GTF2F1: variants seen among roughly 807,000 people sequenced by gnomAD.
The protein encoded by GTF2F1 is general transcription factor IIF subunit 1, also known as general transcription factor IIF 74 kDa subunit.
A neutral mutation model predicts 63.5 loss-of-function variants in GTF2F1; 39 were observed. The ratio of observed to expected loss-of-function variants is 0.61; its 90% CI spans 0.48 to 0.80. GTF2F1 has a LOEUF of 0.80. GTF2F1 is among the 30% of genes least tolerant of loss of function. The pLI, the probability that GTF2F1 is intolerant of heterozygous loss-of-function variation, is 0.00. For missense variants in GTF2F1, 657 were observed against 718.3 expected (o/e 0.91, Z 0.97); for synonymous variants, 287 against 285.3 (o/e 1.01, Z -0.06).
intron 3 of GTF2F1, among the ~76,000 whole-genome samples, chr19:6,390,854 T>C (rs2091994277): frequency 6.6e-6 from 1 of 152,050 alleles, no homozygotes; most frequent in South Asian, 2.1e-4. Flanking sequence ...CACTCCAGCC[T>C]GGATGACAAG....
In GTF2F1 at chr19:6,381,285, G is replaced by A. The variant is rs2304199; in HGVS notation, c.1018+74C>T. On this transcript the variant is annotated intron_variant, in intron 9 of 12. Transcript: ENST00000394456. This position sits in a 1 kb window ranked among gnomAD's most constrained non-coding sequence, Gnocchi z 4.1. ...CCACTGCAGATGAGGGAGGCCTGCAGGGGAGAGGGGAGGAGGTGGCAGGGC... is the reference window on the plus strand; with the variant it reads ...CCACTGCAGATGAGGGAGGCCTGCAAGGGAGAGGGGAGGAGGTGGCAGGGC... 1.5e-3 allele frequency: 2,384 copies of A among 1,547,906 alleles called. 61 individuals carry two copies. In the East Asian group the frequency reaches 0.046, roughly 30 times the overall value.
In GTF2F1 at chr19:6,393,089, G is replaced by C. The variant is rs1568333105; in HGVS notation, c.-94C>G. ...CTCGATCCCGGGGAAGCCGCCGCTC[G>C]GTGTCGGGTCTCTGTGCCTGAGCGA... is the stretch of plus-strand genomic sequence containing the variant. On this transcript the variant is annotated 5_prime_UTR_variant, in exon 1 of 13. Coordinates refer to ENST00000394456, the MANE Select transcript of GTF2F1 (RefSeq NM_002096.3). The C allele has an allele frequency of 2.6e-6, 4 of 1,535,392 alleles. No individual in the cohort carries two copies. The highest frequency in any genetic ancestry group is 2.3e-4 in the Middle Eastern group (1 of 4,330).
intron 5 of GTF2F1, among the ~76,000 whole-genome samples, chr19:6,385,270 G>A (rs1246957086): frequency 1.3e-5 from 2 of 151,562 alleles, no homozygotes; most frequent in Non-Finnish European, 1.5e-5. Flanking sequence ...AGGTGCACGT[G>A]TGTAGTCCCA....
intron 2 of GTF2F1, 67 bp from the exon 3 acceptor site, chr19:6,392,041 A>C: frequency 3.7e-6 from 3 of 810,024 alleles, no homozygotes. Flanking sequence ...TAATCAGTCA[A>C]TGCTATTGAA....
rs868571103 is a variant in GTF2F1, at chr19:6,388,176, C to T, written c.327-617G>A. On this transcript the variant is annotated intron_variant, in intron 4 of 12. Coordinates refer to ENST00000394456, the MANE Select transcript of GTF2F1 (RefSeq NM_002096.3). Reference sequence around the variant, plus strand: ...AACCCCTGACCCCACGTAATCCGCCCGCCTCTGCCTCCCAAAGGGCTAGGA... The same window carrying T: ...AACCCCTGACCCCACGTAATCCGCCTGCCTCTGCCTCCCAAAGGGCTAGGA... 2.6e-4 allele frequency among the ~76,000 whole-genome samples: 40 copies of T among 152,242 alleles called. No homozygotes were observed. In the Middle Eastern group the frequency reaches 0.01, roughly 39 times the overall value.
At position 6,381,160 on chromosome 19, in the gene GTF2F1, C is replaced by G; in HGVS notation, c.1054G>C (p.Asp352His). Residue 352 changes from aspartate (D) to histidine (H), a missense_variant, in exon 10 of 13, where the codon GAC (aspartate) becomes CAC (histidine). Asp to His is a moderately conservative substitution (Grantham distance 81). Transcript: ENST00000394456. This position sits in a 1 kb window ranked among gnomAD's most constrained non-coding sequence, Gnocchi z 4.1. ...GCTGAGGAGGCCTCGCTGTCAATGTCGCTCTCCTCTGAGCTGTCCGACTCC... is the reference window on the plus strand; with the variant it reads ...GCTGAGGAGGCCTCGCTGTCAATGTGGCTCTCCTCTGAGCTGTCCGACTCC... ...SEESDSSEES[D>H]IDSEASSALF... The G allele has an allele frequency of 1.2e-6, 2 of 1,611,774 alleles. No homozygotes were observed. Among genetic ancestry groups the G allele is most frequent in the Non-Finnish European group, 1.7e-6 (2 of 1,179,282 alleles).
At position 6,380,514 on chromosome 19, in the gene GTF2F1, A is replaced by G; in HGVS notation, c.1350-29T>C. ...AGGATGGGAGGACGGGGAAGGTGGC[A>G]TCAGTGAGATTGTCCCCAGTAGCCC... On this transcript the variant is annotated intron_variant, in intron 12 of 12. Transcript: ENST00000394456. The surrounding 1 kb of genome is among the most constrained non-coding windows in gnomAD (Gnocchi z 5.3). 1 of 1,612,752 alleles carries G rather than the reference A, an allele frequency of 6.2e-7. No individual in the cohort carries two copies. Among genetic ancestry groups the G allele is most frequent in the Non-Finnish European group, 8.5e-7 (1 of 1,178,778 alleles).
At position 6,389,647 on chromosome 19, in the gene GTF2F1, C is replaced by G; in HGVS notation, c.133-10G>C. On this transcript the variant is annotated splice_polypyrimidine_tract_variant and intron_variant, in intron 3 of 12. Transcript: ENST00000394456. ...CCCGCTCCAGCCGAGCCTAGGGGAGCAGGAAGCAAAGCCTCTCAGGGTCCC... is the reference window on the plus strand; with the variant it reads ...CCCGCTCCAGCCGAGCCTAGGGGAGGAGGAAGCAAAGCCTCTCAGGGTCCC... 1 of 1,611,478 alleles carries G rather than the reference C, an allele frequency of 6.2e-7. No homozygotes were observed. Among genetic ancestry groups the G allele is most frequent in the South Asian group, 1.1e-5 (1 of 91,054 alleles).
chr19:6,392,737 A>T lies in GTF2F1; in HGVS notation c.59+120T>A. On this transcript the variant is annotated intron_variant, in intron 2 of 12. Coordinates refer to ENST00000394456, the MANE Select transcript of GTF2F1 (RefSeq NM_002096.3). ...AGCTTAATCCCAGCCCTGCCCTCCA[A>T]GTCTCTCCCGGTCTGGAGGGAGAAC... The T allele has an allele frequency of 3.0e-6, 3 of 983,696 alleles. No individual in the cohort carries two copies. In the South Asian group the frequency reaches 4.0e-5, roughly 13 times the overall value. The allele number at this position is 983,696 out of a possible 1,614,324, so 60.9% of individuals were successfully genotyped here. A position where few individuals can be genotyped will look rare whatever the true frequency, so the allele number is the denominator to read the frequency against.
rs564941644 is a variant in GTF2F1, at chr19:6,392,077, T to C, written c.60-103A>G. 71 of 692,136 alleles carry C rather than the reference T, an allele frequency of 1.0e-4. 1 individual carries two copies. The highest frequency in any genetic ancestry group is 1.9e-4 in the African/African-American group (11 of 56,884). 42.9% of individuals were successfully genotyped at this position (692,136 alleles called of 1,614,324 possible). On this transcript the variant is annotated intron_variant, in intron 2 of 12. Coordinates refer to ENST00000394456, the MANE Select transcript of GTF2F1 (RefSeq NM_002096.3). The stretch of plus-strand genomic sequence containing the variant: ...CCATTAATTCAATCAACCACCCAAC[T>C]GGATCGTTAATTCAATCAAATCATT...
intron 4 of GTF2F1, among the ~76,000 whole-genome samples, chr19:6,387,927 C>G (rs1339221059): frequency 6.7e-6 from 1 of 150,024 alleles, no homozygotes; most frequent in African/African-American, 2.4e-5. Flanking sequence ...GGCGGGAAGG[C>G]ATGGCCAAAT....
intron 4 of GTF2F1, 68 bp downstream of exon 4, chr19:6,389,376 T>C (rs1599215468): frequency 1.4e-6 from 2 of 1,430,404 alleles, no homozygotes; most frequent in Non-Finnish European, 1.9e-6. Flanking sequence ...CCCCACAAAG[T>C]ATGTAAGTTG....
intron 5 of GTF2F1, among the ~76,000 whole-genome samples, chr19:6,386,487 C>T (rs1177119994): frequency 6.6e-6 from 1 of 152,178 alleles, no homozygotes; most frequent in African/African-American, 2.4e-5. Context: ...GCTCTGTCGC[C>T]CAGGCTGGAG....
At chr19:6,391,408 C>G (rs556644387) in intron 3 of GTF2F1, among the ~76,000 whole-genome samples, 30 of 151,114 alleles carry the variant, frequency 2.0e-4, no homozygotes, top group African/African-American at 6.6e-4. Context: ...CAGGGACACC[C>G]AGGAGCTAGG....
rs140982243 is a variant in GTF2F1, at chr19:6,383,152, T to C, written c.682+159A>G. On this transcript the variant is annotated intron_variant, in intron 6 of 12. Transcript: ENST00000394456. This position sits in a 1 kb window ranked among gnomAD's most constrained non-coding sequence, Gnocchi z 4.5. ...CCTGATCTCAGGTGATCTGCCTGCC[T>C]CAGCCTCTCAAAGTGCTGGGATGAC... Among the ~76,000 whole-genome samples, 5,052 of 152,338 alleles carry C rather than the reference T, an allele frequency of 0.033. 116 individuals carry two copies. The highest frequency in any genetic ancestry group is 0.053 in the Non-Finnish European group (3,586 of 68,012).
At position 6,393,097 on chromosome 19, in the gene GTF2F1, G is replaced by T; in HGVS notation, c.-102C>A. 1 of 1,501,414 alleles carries T rather than the reference G, an allele frequency of 6.7e-7. No homozygotes were observed. The highest frequency in any genetic ancestry group is 1.1e-5 in the South Asian group (1 of 88,378). 93.0% of individuals were successfully genotyped at this position (1,501,414 alleles called of 1,614,324 possible). On this transcript the variant is annotated 5_prime_UTR_variant, in exon 1 of 13. Coordinates refer to ENST00000394456, the MANE Select transcript of GTF2F1 (RefSeq NM_002096.3). The stretch of plus-strand genomic sequence containing the variant: ...CGGGGAAGCCGCCGCTCGGTGTCGG[G>T]TCTCTGTGCCTGAGCGAGGACCCCA...
rs1342314325 is a variant in GTF2F1, at chr19:6,379,740, A to G, written c.*541T>C. 9.0e-6 allele frequency: 1 copy of G among 111,278 alleles called. No homozygotes were observed. The highest frequency in any genetic ancestry group is 8.1e-5 in the African/African-American group (1 of 12,360). 6.9% of individuals were successfully genotyped at this position (111,278 alleles called of 1,614,324 possible). ...CAGGCTCCCGCCACCATGCCTGGCT[A>G]CTTTTTTTTTTTTTTTGTGCCAGGA... On this transcript the variant is annotated 3_prime_UTR_variant, in exon 13 of 13. Transcript: ENST00000394456.
chr19:6,381,501 A>T lies in GTF2F1; in HGVS notation c.899-23T>A. On this transcript the variant is annotated intron_variant, in intron 8 of 12. Transcript: ENST00000394456. The surrounding 1 kb of genome is among the most constrained non-coding windows in gnomAD (Gnocchi z 4.1). ...CACCTGGGAGGGGCAGGGTATGAGC[A>T]AGAGCAGGGAAGCACCGCCCCCATC... 2 of 1,608,750 alleles carry T rather than the reference A, an allele frequency of 1.2e-6. No individual in the cohort carries two copies. The highest frequency in any genetic ancestry group is 1.7e-6 in the Non-Finnish European group (2 of 1,179,638).
Position 6,381,584 on chromosome 19 carries a change from T to C in GTF2F1, c.868A>G (p.Lys290Glu), listed in dbSNP as rs1233725026. Residue 290 changes from lysine (K) to glutamate (E), a missense_variant, in exon 8 of 13, where the codon AAG becomes GAG. Around this residue, in one of 2 missense-constraint regions of GTF2F1, gnomAD observed 602 missense variants for 625.6 expected, o/e 0.96. Coordinates refer to ENST00000394456, the MANE Select transcript of GTF2F1 (RefSeq NM_002096.3). This position sits in a 1 kb window ranked among gnomAD's most constrained non-coding sequence, Gnocchi z 4.1. The stretch of plus-strand genomic sequence containing the variant: ...GGCCCCTCCTCCTGCTGCGGCGCCT[T>C]GGCCTTGCTCTCAGGCTCTTCTTGG... The part of the protein sequence containing the change: ...SSQEEPESKA[K>E]APQQEEGPKG... 1.2e-6 allele frequency: 2 copies of C among 1,613,788 alleles called. No individual in the cohort carries two copies. Among genetic ancestry groups the C allele is most frequent in the Non-Finnish European group, 1.7e-6 (2 of 1,180,030 alleles).
Sources: gnomAD v4.1 joint callset for allele counts (sites outside exome capture counted in the v4.1 genomes callset) on GRCh38, gnomAD v4.1.1 for gene constraint, gnomAD v4.1.1 regional missense constraint, Gnocchi (gnomAD v3.1) non-coding constraint, MANE v1.5 for transcripts, NCBI Gene and HGNC (gene_info 2026-07-23, HGNC 2026-07-21) for gene names.